The following ARIH1 variants were observed in gnomAD, a reference collection of about 807,000 sequenced individuals.
ARIH1 encodes E3 ubiquitin-protein ligase ARIH1.
In ARIH1, 8 loss-of-function variants were observed where a neutral mutation model predicts 85.0. That is an observed-to-expected ratio of 0.09 (90% CI 0.06 to 0.17). The LOEUF is 0.17. Ranked by LOEUF, ARIH1 falls within the 10% of genes least tolerant of loss-of-function variation. The pLI is 1.00. For missense variants in ARIH1, 311 were observed against 718.1 expected, an observed-to-expected ratio of 0.43 and a Z score of 6.48; for synonymous variants, 238 against 253.6, an observed-to-expected ratio of 0.94 and a Z score of 0.59.
Position 72,474,423 on chromosome 15 carries a change from C to G in ARIH1, c.-217C>G. On this transcript the variant is annotated 5_prime_UTR_variant, in exon 1 of 14. Coordinates refer to ENST00000379887, the MANE Select transcript of ARIH1 (RefSeq NM_005744.5). ...GCGTCTGACTGAGGCGGGCAGCAAG[C>G]GGCCCCCTCGCTCCCTCCCTCCCTC... 1 of 596,488 alleles carries G rather than the reference C, an allele frequency of 1.7e-6. No homozygotes were observed. The allele number at this position is 596,488 out of a possible 1,614,324, so 36.9% of individuals were successfully genotyped here. A position where few individuals can be genotyped will look rare whatever the true frequency, so the allele number is the denominator to read the frequency against.
intron 2 of ARIH1, among the ~76,000 whole-genome samples, chr15:72,532,000 TA>T (rs1438111800): frequency 6.6e-6 from 1 of 152,156 alleles, no homozygotes; most frequent in Non-Finnish European, 1.5e-5. Context: ...CTTAAATGCA[TA>T]ATGAGCTAAG....
intron 12 of ARIH1, among the ~76,000 whole-genome samples, 195 bp downstream of exon 12, chr15:72,581,186 G>T (rs917427371): frequency 6.6e-6 from 1 of 152,084 alleles, no homozygotes; most frequent in Non-Finnish European, 1.5e-5. Flanking sequence ...GGTTTAGCCA[G>T]CTAGTGATTA....
chr15:72,505,212 G>C (rs894022790), intron 1 of ARIH1, among the ~76,000 whole-genome samples: 9 of 152,094 alleles, frequency 5.9e-5, no homozygotes, highest in Non-Finnish European at 1.2e-4. Context: ...CACAAACTCA[G>C]GTGATTGTAA....
chr15:72,545,559 G>C (rs1206774625), intron 3 of ARIH1, among the ~76,000 whole-genome samples: 2 of 152,218 alleles, frequency 1.3e-5, no homozygotes, highest in Non-Finnish European at 2.9e-5. Flanking sequence ...GGACTCAGTG[G>C]CTCATGCCTA....
chr15:72,502,784 C>A (rs748055169), intron 1 of ARIH1, among the ~76,000 whole-genome samples: 6 of 151,802 alleles, frequency 4.0e-5, no homozygotes, highest in African/African-American at 1.5e-4. Context: ...CCAGCCTGAG[C>A]GACAGAGCCA....
chr15:72,589,957 C>T lies in ARIH1; in HGVS notation c.*6665C>T, dbSNP rs2064335470. On this transcript the variant is annotated 3_prime_UTR_variant, in exon 14 of 14. Transcript: ENST00000379887. ...CATAGGCATGTGCCACTGCTCCTAG[C>T]TCTTCCATCTCAGTCTTATGATGTA... 6.6e-6 allele frequency: 1 copy of T among 152,146 alleles called. No homozygotes were observed. The highest frequency in any genetic ancestry group is 1.5e-5 in the Non-Finnish European group (1 of 68,028). The allele number at this position is 152,146 out of a possible 1,614,324, so 9.4% of individuals were successfully genotyped here.
At chr15:72,554,165 G>A (rs2064164894) in intron 3 of ARIH1, among the ~76,000 whole-genome samples, 1 of 152,116 alleles carries the variant, frequency 6.6e-6, no homozygotes, top group East Asian at 1.9e-4. Flanking sequence ...TACGAATAAT[G>A]CTATAATGAA....
intron 2 of ARIH1, among the ~76,000 whole-genome samples, chr15:72,526,412 A>G (rs1017644888): frequency 2.6e-5 from 4 of 152,166 alleles, no homozygotes; most frequent in Non-Finnish European, 4.4e-5. Context: ...GACCCTAAAA[A>G]TGAATGTGAT....
intron 5 of ARIH1, among the ~76,000 whole-genome samples, chr15:72,557,619 T>A (rs886711326): frequency 6.6e-6 from 1 of 152,228 alleles, no homozygotes; most frequent in Non-Finnish European, 1.5e-5. Flanking sequence ...ATAAATTCTT[T>A]GCCAAGGCTG....
At chr15:72,484,434 C>T (rs1039516947) in intron 1 of ARIH1, among the ~76,000 whole-genome samples, 3 of 151,446 alleles carry the variant, frequency 2.0e-5, no homozygotes, top group East Asian at 3.9e-4. Flanking sequence ...CTTTTTCCCC[C>T]GAGTCCCCAG....
intron 2 of ARIH1, among the ~76,000 whole-genome samples, chr15:72,522,384 G>GTAT (rs1175635030): frequency 1.3e-5 from 2 of 152,080 alleles, no homozygotes; most frequent in Non-Finnish European, 2.9e-5. Flanking sequence ...CGTGGTGATG[G>GTAT]ACACCTGTTA....
intron 2 of ARIH1, among the ~76,000 whole-genome samples, chr15:72,533,093 A>G (rs1046697058): frequency 2.2e-4 from 33 of 152,210 alleles, no homozygotes; most frequent in Admixed American, 2.1e-3. Context: ...AAATGAAAAC[A>G]AAATACAGTG....
intron 1 of ARIH1, among the ~76,000 whole-genome samples, chr15:72,491,481 A>C (rs959715667): frequency 6.6e-6 from 1 of 152,150 alleles, no homozygotes; most frequent in Non-Finnish European, 1.5e-5. Flanking sequence ...TCAGTGTATT[A>C]ATTTTGGTAT....
rs150955219 is a variant in ARIH1 at position 72,518,623 on chromosome 15, A to G, written c.443+489A>G. Among the ~76,000 whole-genome samples, 120 of 152,174 alleles carry G rather than the reference A, an allele frequency of 7.9e-4. 3 individuals carry two copies. In the East Asian group the frequency reaches 0.016, roughly 20 times the overall value. ...GCCAACATGCTGAAGCCCCGTCTCT[A>G]CTAAAAATACAAAAATTAGCTGGGT... On this transcript the variant is annotated intron_variant, in intron 2 of 13. Coordinates refer to ENST00000379887, the MANE Select transcript of ARIH1 (RefSeq NM_005744.5).
At chr15:72,549,759 G>T (rs946365039) in intron 3 of ARIH1, among the ~76,000 whole-genome samples, 1 of 152,184 alleles carries the variant, frequency 6.6e-6, no homozygotes, top group Non-Finnish European at 1.5e-5. Flanking sequence ...GCAGATAAAT[G>T]AAACCTTTAA....
intron 11 of ARIH1, among the ~76,000 whole-genome samples, chr15:72,575,775 A>G (rs560382067): frequency 1.3e-5 from 2 of 152,222 alleles, no homozygotes; most frequent in South Asian, 4.2e-4. Context: ...TGCCAAGCAG[A>G]TTTTCCACAT....
rs2064349784 is a variant in ARIH1, at chr15:72,593,224, CTT to C, written c.*9935_*9936del. On this transcript the variant is annotated 3_prime_UTR_variant, in exon 14 of 14. Coordinates refer to ENST00000379887, the MANE Select transcript of ARIH1 (RefSeq NM_005744.5). ...ATCTTTCAAGAAGTGTCTTTCATGT[CTT>C]TTCTCATTTTAAAGTTGGGTGTCTT... 6.6e-6 allele frequency: 1 copy of C among 151,994 alleles called. No homozygotes were observed. Among genetic ancestry groups the C allele is most frequent in the Non-Finnish European group, 1.5e-5 (1 of 67,960 alleles). The allele number at this position is 151,994 out of a possible 1,614,324, so 9.4% of individuals were successfully genotyped here. A position where few individuals can be genotyped will look rare whatever the true frequency, so the allele number is the denominator to read the frequency against.
chr15:72,533,479 G>A (rs2064067405), intron 2 of ARIH1, among the ~76,000 whole-genome samples: 1 of 152,200 alleles, frequency 6.6e-6, no homozygotes, highest in Admixed American at 6.5e-5. Flanking sequence ...CAATGTGATT[G>A]TACATGTGGA....
In ARIH1 at chr15:72,601,719, T is replaced by C. The variant is rs537322472; in HGVS notation, c.*18427T>C. 6.6e-6 allele frequency: 1 copy of C among 152,366 alleles called. No homozygotes were observed. Among genetic ancestry groups the C allele is most frequent in the South Asian group, 2.1e-4 (1 of 4,832 alleles). The allele number at this position is 152,366 out of a possible 1,614,324, so 9.4% of individuals were successfully genotyped here. ...TATCACAATTCTTGGTATGTTGTGC[T>C]TTTCACTTTCTTAGTCGCTATTATT... is the stretch of plus-strand genomic sequence containing the variant. On this transcript the variant is annotated 3_prime_UTR_variant, in exon 14 of 14. Coordinates refer to ENST00000379887, the MANE Select transcript of ARIH1 (RefSeq NM_005744.5).
Sources: allele counts gnomAD v4.1 joint callset (sites outside exome capture counted in the v4.1 genomes callset), GRCh38; gene constraint gnomAD v4.1.1; transcripts MANE v1.5; gene names NCBI Gene and HGNC (gene_info 2026-07-23, HGNC 2026-07-21).